Variants in NELFCD observed in about 807,000 individuals in gnomAD.
The protein encoded by NELFCD is negative elongation factor C/D.
In NELFCD, 48 loss-of-function variants were observed where a neutral mutation model predicts 72.9. The observed-to-expected ratio is 0.66, with a 90% CI of 0.52 to 0.84. NELFCD has a LOEUF of 0.84. Among genes scored for constraint, NELFCD ranks in the 40% least tolerant of loss-of-function variants. The pLI is 0.00. For synonymous variants in NELFCD, 297 were observed against 280.6 expected (o/e 1.06, Z -0.59); for missense variants, 538 against 723.8 (o/e 0.74, Z 2.94).
In NELFCD at chr20:58,994,987, G is replaced by A; in HGVS notation, c.*311G>A. ...CTGGCCGTCAGCCGCGGGCCGCTGG[G>A]AACTCCACTCGGGGAACTCCTTTCC... is the stretch of plus-strand genomic sequence containing the variant. On this transcript the variant is annotated 3_prime_UTR_variant, in exon 15 of 15. Coordinates refer to ENST00000652272, the MANE Select transcript of NELFCD (RefSeq NM_198976.4). 1 of 304,686 alleles carries A rather than the reference G, an allele frequency of 3.3e-6. No individual in the cohort carries two copies. 18.9% of individuals were successfully genotyped at this position (304,686 alleles called of 1,614,324 possible). A position where few individuals can be genotyped will look rare whatever the true frequency, so the allele number is the denominator to read the frequency against.
At chr20:58,992,770 C>T (rs2091826592) in intron 10 of NELFCD, among the ~76,000 whole-genome samples, 1 of 150,658 alleles carries the variant, frequency 6.6e-6, no homozygotes, top group Non-Finnish European at 1.5e-5. Context: ...ACCTGTAGTC[C>T]CAGGTACTCG....
chr20:58,992,096 A>G, intron 10 of NELFCD, 76 bp downstream of exon 10: 1 of 1,434,722 alleles, frequency 7.0e-7, no homozygotes, highest in Non-Finnish European at 9.5e-7. Flanking sequence ...TTGAAAGCTC[A>G]AATAACAAAA....
chr20:58,990,068 C>G (rs1411405447), intron 7 of NELFCD, 80 bp downstream of exon 7: 2 of 1,550,786 alleles, frequency 1.3e-6, no homozygotes. Flanking sequence ...GTTCCACAGC[C>G]AAAGCTGCTA....
chr20:58,985,981 AAAT>A (rs1181159660), intron 1 of NELFCD, 109 bp from the exon 2 acceptor site: 17 of 760,392 alleles, frequency 2.2e-5, no homozygotes, highest in Non-Finnish European at 3.7e-5. Flanking sequence ...AAGTCAAATG[AAAT>A]AATGTGTGTA....
Position 58,989,606 on chromosome 20 carries a change from A to G in NELFCD, c.623A>G (p.Glu208Gly). The G allele has an allele frequency of 6.2e-7, 1 of 1,614,064 alleles. No homozygotes were observed. The highest frequency in any genetic ancestry group is 1.1e-5 in the South Asian group (1 of 91,074). ...TSLATILDGGEENLEKNLPEF... is the reference protein window; with the variant it reads ...TSLATILDGGGENLEKNLPEF... ...CTAGCTACAATTTTAGATGGAGGAG[A>G]AGAAAACCTTGAAAAAAATCTCCCT... The change falls in exon 6 of 15, where the codon GAA becomes GGA. Residue 208 changes from glutamate to glycine, a missense_variant. Physicochemically the swap from Glu to Gly is moderately conservative, Grantham distance 98 (BLOSUM62 -2). Transcript: ENST00000652272.
chr20:58,981,973 C>T (rs181430513), intron 1 of NELFCD, among the ~76,000 whole-genome samples: 1 of 151,998 alleles, frequency 6.6e-6, no homozygotes, highest in East Asian at 1.9e-4. Flanking sequence ...ACTGTTCCAC[C>T]CTGAGGACAG....
In NELFCD at chr20:58,987,729, A is replaced by G; in HGVS notation, c.308A>G (p.Gln103Arg). The G allele has an allele frequency of 6.2e-7, 1 of 1,614,200 alleles. No homozygotes were observed. Among genetic ancestry groups the G allele is most frequent in the Non-Finnish European group, 8.5e-7 (1 of 1,180,008 alleles). ...IQTGVEPVQV[Q>R]ETVENHLKSL... ...TCAGGTGTTGAGCCAGTGCAGGTTC[A>G]GGAAACTGTGGAAAATCACTTGAAG... The change falls in exon 4 of 15, where the codon CAG (glutamine) becomes CGG (arginine). Residue 103 changes from glutamine to arginine, a missense_variant. By Grantham distance (43) the Gln-to-Arg change is conservative (BLOSUM62 1). This residue lies in a region of NELFCD where 355 missense variants were observed against 534.5 expected (regional missense o/e 0.66). Coordinates refer to ENST00000652272, the MANE Select transcript of NELFCD (RefSeq NM_198976.4).
Position 58,986,140 on chromosome 20 carries a change from A to G in NELFCD, c.108A>G (p.Gln36=). 1 of 1,614,172 alleles carries G rather than the reference A, an allele frequency of 6.2e-7. No homozygotes were observed. ...GAGAGGATGATGCGGAGGTTCAGCAAGAATGCCTGCATAAATTTTCCACCC... is the reference window on the plus strand; with the variant it reads ...GAGAGGATGATGCGGAGGTTCAGCAGGAATGCCTGCATAAATTTTCCACCC... The part of the protein sequence containing the change: ...GEGEDDAEVQ[Q]ECLHKFSTRD... Residue 36 remains glutamine, a synonymous_variant, in exon 2 of 15, where the codon CAA becomes CAG. Coordinates refer to ENST00000652272, the MANE Select transcript of NELFCD (RefSeq NM_198976.4). This position sits in a 1 kb window ranked among gnomAD's most constrained non-coding sequence, Gnocchi z 4.4.
At chr20:58,984,097 TAGTG>T (rs1569056171) in intron 1 of NELFCD, among the ~76,000 whole-genome samples, 1 of 152,060 alleles carries the variant, frequency 6.6e-6, no homozygotes, top group Admixed American at 6.6e-5. Context: ...CCATGTTACA[TAGTG>T]GGAGGTAGGA....
chr20:58,990,706 T>C (rs993180693), intron 7 of NELFCD: 30 of 529,760 alleles, frequency 5.7e-5, no homozygotes, highest in African/African-American at 2.7e-4. Context: ...GTATTTAAAG[T>C]GTGTGACTCC....
Position 58,981,290 on chromosome 20 carries a change from G to A in NELFCD, c.-20G>A, listed in dbSNP as rs752338939. 9.3e-7 allele frequency: 1 copy of A among 1,070,822 alleles called. No homozygotes were observed. The highest frequency in any genetic ancestry group is 1.1e-6 in the Non-Finnish European group (1 of 882,798). 66.3% of individuals were successfully genotyped at this position (1,070,822 alleles called of 1,614,324 possible). ...GCTCGCTCGCGGGAGGGCATGGCGG[G>A]GGCCGTGCCGGGCGCCATCATGGAC... On this transcript the variant is annotated 5_prime_UTR_variant, in exon 1 of 15. Coordinates refer to ENST00000652272, the MANE Select transcript of NELFCD (RefSeq NM_198976.4).
chr20:58,985,594 T>G (rs2091765835), intron 1 of NELFCD, among the ~76,000 whole-genome samples: 1 of 152,176 alleles, frequency 6.6e-6, no homozygotes, highest in Non-Finnish European at 1.5e-5. Context: ...GGTCTTTACT[T>G]TCTAATGGTA....
At position 58,989,974 on chromosome 20, in the gene NELFCD, C is replaced by T. The variant is rs756094033; in HGVS notation, c.774C>T (p.Arg258=). Reference sequence around the variant, plus strand: ...GCAGGATCGCCCAGGAAGTGCAGCGCTTTGCCCAGGAGAAGTGAGAGGCCC... The same window carrying T: ...GCAGGATCGCCCAGGAAGTGCAGCGTTTTGCCCAGGAGAAGTGAGAGGCCC... ...AVRRIAQEVQ[R]FAQEKGHDAS... is the part of the protein sequence containing the mutation. Residue 258 remains arginine, a synonymous_variant, in exon 7 of 15, where the codon CGC becomes CGT. Coordinates refer to ENST00000652272, the MANE Select transcript of NELFCD (RefSeq NM_198976.4). The T allele has an allele frequency of 4.4e-5, 71 of 1,613,110 alleles. No individual in the cohort carries two copies. In the East Asian group the frequency reaches 1.3e-3, roughly 29 times the overall value.
At chr20:58,991,491 A>C (rs1437449189) in intron 9 of NELFCD, 45 bp downstream of exon 9, 2 of 1,610,152 alleles carry the variant, frequency 1.2e-6, no homozygotes, top group Admixed American at 3.3e-5. Flanking sequence ...GGAGACAAAT[A>C]TCCTCCTCTG....
At chr20:58,992,866 A>AG (rs1234362826) in intron 10 of NELFCD, 132 bp from the exon 11 acceptor site, 4 of 567,496 alleles carry the variant, frequency 7.0e-6, no homozygotes, top group Non-Finnish European at 1.3e-5. Flanking sequence ...AAAAAAAAAA[A>AG]GGGTTGGGGG....
At chr20:58,991,202 T>A (rs191663219) in intron 8 of NELFCD, 110 bp from the exon 9 acceptor site, 36 of 1,560,496 alleles carry the variant, frequency 2.3e-5, no homozygotes, top group Middle Eastern at 1.9e-4. Context: ...TCAGTCACAC[T>A]CTCTGCCTGG....
intron 3 of NELFCD, 70 bp from the exon 4 acceptor site, chr20:58,987,638 C>A (rs1170558730): frequency 6.4e-6 from 8 of 1,251,132 alleles, no homozygotes; most frequent in Non-Finnish European, 9.3e-6. Context: ...GACTTTTGAC[C>A]ATTTGCTTTC....
intron 3 of NELFCD, 83 bp from the exon 4 acceptor site, chr20:58,987,625 A>G (rs2091781889): frequency 1.8e-6 from 2 of 1,094,896 alleles, no homozygotes; most frequent in Admixed American, 3.9e-5. Flanking sequence ...TGATTCACAT[A>G]GAGACTTTTG....
Position 58,993,820 on chromosome 20 carries a change from T to C in NELFCD, c.1581+56T>C. 1 of 1,580,476 alleles carries C rather than the reference T, an allele frequency of 6.3e-7. No individual in the cohort carries two copies. Among genetic ancestry groups the C allele is most frequent in the Non-Finnish European group, 8.6e-7 (1 of 1,157,322 alleles). On this transcript the variant is annotated intron_variant, in intron 13 of 14. Coordinates refer to ENST00000652272, the MANE Select transcript of NELFCD (RefSeq NM_198976.4). The surrounding 1 kb of genome is among the most constrained non-coding windows in gnomAD (Gnocchi z 5.0). ...ATACTGTTTACACTAGCACTGCCCT[T>C]TTTGGCTTAATTTAGTTCATTTTGT...
Sources: allele counts gnomAD v4.1 joint callset (sites outside exome capture counted in the v4.1 genomes callset), GRCh38; gene constraint gnomAD v4.1.1; regional missense constraint gnomAD v4.1.1; non-coding constraint Gnocchi (gnomAD v3.1); transcripts MANE v1.5; gene names NCBI Gene and HGNC (gene_info 2026-07-23, HGNC 2026-07-21).